IQSEC3: variants seen among roughly 807,000 people sequenced by gnomAD.
IQSEC3 encodes the protein IQ motif and Sec7 domain ArfGEF 3, also known as IQ motif and SEC7 domain-containing protein 3.
IQSEC3 carries 50 observed loss-of-function variants against 105.4 expected under a neutral mutation model. That is an observed-to-expected ratio of 0.47 (90% CI 0.38 to 0.60). The LOEUF (loss-of-function observed/expected upper bound fraction) is 0.60, where lower values mean the gene tolerates loss of function less well. Among genes scored for constraint, IQSEC3 ranks in the 20% least tolerant of loss-of-function variants. The pLI is 0.00. For missense variants in IQSEC3, 1,415 were observed against 1,630.0 expected, an observed-to-expected ratio of 0.87 and a Z score of 2.27; for synonymous variants, 708 against 746.0, an observed-to-expected ratio of 0.95 and a Z score of 0.83.
At chr12:158,817 C>G (rs1866788156) in intron 7 of IQSEC3, among the ~76,000 whole-genome samples, 1 of 152,164 alleles carries the variant, frequency 6.6e-6, no homozygotes, top group African/African-American at 2.4e-5. Context: ...CACCACCACA[C>G]CCAGCTAATT....
intron 1 of IQSEC3, among the ~76,000 whole-genome samples, chr12:76,716 G>T (rs1422101509): frequency 1.3e-5 from 2 of 152,280 alleles, no homozygotes; most frequent in Non-Finnish European, 2.9e-5. Context: ...CTGTGTGGAA[G>T]GGGACAGGTA....
intron 1 of IQSEC3, among the ~76,000 whole-genome samples, chr12:94,422 A>T (rs1864183193): frequency 6.6e-6 from 1 of 152,240 alleles, no homozygotes; most frequent in Non-Finnish European, 1.5e-5. Context: ...AAAGGCAGGC[A>T]AGGCAGGACT....
rs559862924 is a variant in IQSEC3 at position 152,273 on chromosome 12, C to T, written c.2154-4752C>T. ...ACCTGCAGGGTGACCACAGAGCCCCCGTGCTGACTGCCCACGCATGCACCA... is the reference window on the plus strand; with the variant it reads ...ACCTGCAGGGTGACCACAGAGCCCCTGTGCTGACTGCCCACGCATGCACCA... On this transcript the variant is annotated intron_variant, in intron 5 of 13. Transcript: ENST00000538872. This position sits in a 1 kb window ranked among gnomAD's most constrained non-coding sequence, Gnocchi z 4.8. 2.0e-4 allele frequency among the ~76,000 whole-genome samples: 30 copies of T among 152,336 alleles called. No individual in the cohort carries two copies. The East Asian group carries it at 5.2e-3, about 26-fold the overall frequency.
At chr12:131,603 T>C (rs1865603243) in intron 3 of IQSEC3, among the ~76,000 whole-genome samples, 1 of 152,220 alleles carries the variant, frequency 6.6e-6, no homozygotes, top group Non-Finnish European at 1.5e-5. Flanking sequence ...TTAGTTCATG[T>C]CTGCAAACAC....
chr12:102,355 A>C (rs1555076411), intron 2 of IQSEC3, among the ~76,000 whole-genome samples: 11 of 152,242 alleles, frequency 7.2e-5, no homozygotes. Context: ...ATCAGGTGTC[A>C]GGACCTTTGT....
In IQSEC3 at chr12:175,329, G is replaced by C; in HGVS notation, c.*296G>C. 2.6e-6 allele frequency: 1 copy of C among 389,008 alleles called. No homozygotes were observed. Among genetic ancestry groups the C allele is most frequent in the East Asian group, 4.0e-5 (1 of 25,172 alleles). The allele number at this position is 389,008 out of a possible 1,614,324, so 24.1% of individuals were successfully genotyped here. On this transcript the variant is annotated 3_prime_UTR_variant, in exon 14 of 14. Coordinates refer to ENST00000538872, the MANE Select transcript of IQSEC3 (RefSeq NM_001170738.2). Reference sequence around the variant, plus strand: ...CCACCACTTTCCCCCATTGGACCATGGACTGAAGAAAACGAGCTGAGGGTC... The same window carrying C: ...CCACCACTTTCCCCCATTGGACCATCGACTGAAGAAAACGAGCTGAGGGTC...
rs375176341 is a variant in IQSEC3, at chr12:102,840, G to T, written c.623+3626G>T. Among the ~76,000 whole-genome samples the T allele has an allele frequency of 3.9e-5, 6 of 152,330 alleles. No individual in the cohort carries two copies. The East Asian group carries it at 7.7e-4, about 20-fold the overall frequency. ...CAGCGATCTGGAGTACAGTGGAGCA[G>T]CTACGGGGCTGGCAAAGCCCTGAAA... On this transcript the variant is annotated intron_variant, in intron 2 of 13. Transcript: ENST00000538872.
intron 2 of IQSEC3, among the ~76,000 whole-genome samples, chr12:110,517 C>G (rs1432194140): frequency 6.6e-6 from 1 of 151,872 alleles, no homozygotes; most frequent in African/African-American, 2.4e-5. Flanking sequence ...GCACTGGGGC[C>G]TGATCTCTGA....
intron 2 of IQSEC3, among the ~76,000 whole-genome samples, chr12:122,377 C>G (rs1865247660): frequency 6.6e-6 from 1 of 152,168 alleles, no homozygotes; most frequent in Non-Finnish European, 1.5e-5. Context: ...AGCCACAGAG[C>G]TAGTTAGAAG....
intron 1 of IQSEC3, among the ~76,000 whole-genome samples, chr12:83,360 T>C (rs1555071205): frequency 6.6e-6 from 1 of 152,010 alleles, no homozygotes; most frequent in Non-Finnish European, 1.5e-5. Flanking sequence ...AGAAGGCAGA[T>C]ATTTAACAAG....
At chr12:102,231 A>G (rs564355816) in intron 2 of IQSEC3, among the ~76,000 whole-genome samples, 46 of 150,858 alleles carry the variant, frequency 3.0e-4, no homozygotes, top group African/African-American at 1.1e-3. Flanking sequence ...CTCCCCTGTC[A>G]GTCAGTCTGG....
chr12:138,177 G>C lies in IQSEC3; in HGVS notation c.904-90G>C. ...CCCCGTCCATTCCTGGGCCCCACCC[G>C]AGTGTGGCCGGGTGACTCCACCACT... On this transcript the variant is annotated intron_variant, in intron 3 of 13. Coordinates refer to ENST00000538872, the MANE Select transcript of IQSEC3 (RefSeq NM_001170738.2). This position sits in a 1 kb window ranked among gnomAD's most constrained non-coding sequence, Gnocchi z 7.1. 6.3e-6 allele frequency: 7 copies of C among 1,105,460 alleles called. No homozygotes were observed. The highest frequency in any genetic ancestry group is 1.6e-5 in the African/African-American group (1 of 63,320). The allele number at this position is 1,105,460 out of a possible 1,614,324, so 68.5% of individuals were successfully genotyped here.
chr12:118,330 TTCTGTGCTCGG>T (rs1330798650), intron 2 of IQSEC3, among the ~76,000 whole-genome samples: 1 of 152,142 alleles, frequency 6.6e-6, no homozygotes, highest in Admixed American at 6.5e-5. Context: ...ACACCTGGCT[TTCTGTGCTCGG>T]TGCCTTTATT....
chr12:142,244 T>C (rs1810842571), intron 5 of IQSEC3: 2 of 152,204 alleles, frequency 1.3e-5, no homozygotes, highest in African/African-American at 4.8e-5. Context: ...CAGAGAGGGT[T>C]TGGACGCTGG....
chr12:169,151 T>C, intron 12 of IQSEC3, 46 bp downstream of exon 12: 1 of 1,520,672 alleles, frequency 6.6e-7, no homozygotes. Flanking sequence ...TGGAGGCCAC[T>C]CGGGGACCCT....
chr12:172,261 A>C lies in IQSEC3; in HGVS notation c.3114+1100A>C, dbSNP rs1939045204. On this transcript the variant is annotated intron_variant, in intron 13 of 13. Transcript: ENST00000538872. ...CCACACACCCGTGTCTGGAGGAGGC[A>C]CCTTTACAAGGAGGAGCTTCCTGCC... Among the ~76,000 whole-genome samples, 3 of 129,310 alleles carry C rather than the reference A, an allele frequency of 2.3e-5. 1 individual carries two copies. Among genetic ancestry groups the C allele is most frequent in the South Asian group, 5.6e-4 (2 of 3,598 alleles). The allele number at this position is 129,310 out of a possible 152,430, so 84.8% of individuals were successfully genotyped here.
intron 1 of IQSEC3, among the ~76,000 whole-genome samples, chr12:79,574 G>A (rs1348066310): frequency 6.6e-6 from 1 of 152,064 alleles, no homozygotes; most frequent in Non-Finnish European, 1.5e-5. Context: ...AGGACTACAG[G>A]CATGCATCAC....
At chr12:139,598 A>G in intron 4 of IQSEC3, 1 of 420,940 alleles carries the variant, frequency 2.4e-6, no homozygotes. Flanking sequence ...CACATCAGAC[A>G]CATGCTTTCA....
At chr12:113,511 G>A (rs1326565411) in intron 2 of IQSEC3, among the ~76,000 whole-genome samples, 1 of 152,190 alleles carries the variant, frequency 6.6e-6, no homozygotes, top group Non-Finnish European at 1.5e-5. Flanking sequence ...TCACTCCCCA[G>A]GTGCCACTGC....
Sources: allele counts gnomAD v4.1 joint callset (sites outside exome capture counted in the v4.1 genomes callset), GRCh38; gene constraint gnomAD v4.1.1; non-coding constraint Gnocchi (gnomAD v3.1); transcripts MANE v1.5; gene names NCBI Gene and HGNC (gene_info 2026-07-23, HGNC 2026-07-21).